Variants in SPSB1 observed in about 807,000 individuals in gnomAD.
SPSB1 encodes the protein splA/ryanodine receptor domain and SOCS box containing 1, also known as SPRY domain-containing SOCS box protein 1.
SPSB1 carries 8 observed loss-of-function variants against 21.2 expected under a neutral mutation model. The ratio of observed to expected loss-of-function variants is 0.38; its 90% CI spans 0.22 to 0.68. SPSB1 has a LOEUF of 0.68. SPSB1 is among the 30% of genes least tolerant of loss of function. SPSB1 has a pLI of 0.53. For synonymous variants in SPSB1, 169 were observed against 161.7 expected, an observed-to-expected ratio of 1.05 and a Z score of -0.34; for missense variants, 242 against 377.8, an observed-to-expected ratio of 0.64 and a Z score of 2.98.
intron 1 of SPSB1, among the ~76,000 whole-genome samples, chr1:9,353,371 C>T (rs1640303230): frequency 6.6e-6 from 1 of 152,164 alleles, no homozygotes; most frequent in African/African-American, 2.4e-5. Flanking sequence ...CACAGGGTGT[C>T]CCTCTGCAGC....
chr1:9,344,024 G>C (rs1450110519), intron 1 of SPSB1, among the ~76,000 whole-genome samples: 1 of 152,158 alleles, frequency 6.6e-6, no homozygotes, highest in Non-Finnish European at 1.5e-5. Flanking sequence ...TCCTGACCTT[G>C]TGATCCGCCC....
chr1:9,338,774 C>T (rs1014928896), intron 1 of SPSB1, among the ~76,000 whole-genome samples: 3 of 152,280 alleles, frequency 2.0e-5, no homozygotes, highest in African/African-American at 7.2e-5. Context: ...ACGTGGGTGG[C>T]GTGGGCCACG....
chr1:9,304,067 G>C (rs1225116742), intron 1 of SPSB1, among the ~76,000 whole-genome samples: 1 of 152,202 alleles, frequency 6.6e-6, no homozygotes, highest in East Asian at 1.9e-4. Context: ...CGTCCAATCA[G>C]CTGGTGGCCT....
At chr1:9,295,217 AGT>A (rs5772365) in intron 1 of SPSB1, among the ~76,000 whole-genome samples, 33,406 of 148,556 alleles carry the variant, frequency 0.22, 4,026 homozygotes, top group South Asian at 0.3. Flanking sequence ...TGAGAGTGTG[AGT>A]GTGTGTGTGT....
chr1:9,297,871 A>G (rs1343258180), intron 1 of SPSB1, among the ~76,000 whole-genome samples: 1 of 152,216 alleles, frequency 6.6e-6, no homozygotes, highest in Non-Finnish European at 1.5e-5. Flanking sequence ...GGGAAGGTTC[A>G]GAAGACAGAT....
intron 1 of SPSB1, among the ~76,000 whole-genome samples, chr1:9,353,641 T>C (rs1390229023): frequency 6.6e-6 from 1 of 152,152 alleles, no homozygotes; most frequent in East Asian, 1.9e-4. Flanking sequence ...TGTCTATGGC[T>C]GGGCGCAGTG....
chr1:9,362,045 GGT>G (rs1640489680), intron 2 of SPSB1, among the ~76,000 whole-genome samples: 1 of 152,232 alleles, frequency 6.6e-6, no homozygotes, highest in African/African-American at 2.4e-5. Flanking sequence ...CGTGGTTGAA[GGT>G]TCAGGGAAGG....
intron 1 of SPSB1, among the ~76,000 whole-genome samples, chr1:9,323,187 G>A (rs1483015873): frequency 6.6e-6 from 1 of 152,210 alleles, no homozygotes; most frequent in Non-Finnish European, 1.5e-5. Context: ...CCTCTGTCCC[G>A]GCACTCAGCC....
intron 2 of SPSB1, among the ~76,000 whole-genome samples, chr1:9,364,962 C>T (rs1640543804): frequency 6.6e-6 from 1 of 152,168 alleles, no homozygotes; most frequent in Admixed American, 6.5e-5. Context: ...AGTGATTCTC[C>T]TGCCTTAGCC....
At chr1:9,304,157 G>A (rs982590289) in intron 1 of SPSB1, among the ~76,000 whole-genome samples, 2 of 152,172 alleles carry the variant, frequency 1.3e-5, no homozygotes, top group Non-Finnish European at 2.9e-5. Flanking sequence ...TCCTGCACTC[G>A]GATGTCACAA....
At chr1:9,303,822 A>G (rs920183961) in intron 1 of SPSB1, among the ~76,000 whole-genome samples, 9 of 152,220 alleles carry the variant, frequency 5.9e-5, no homozygotes, top group Non-Finnish European at 1.5e-5. Context: ...GTGATGATTG[A>G]TTTCAGATGT....
chr1:9,323,325 C>T (rs1015392191), intron 1 of SPSB1, among the ~76,000 whole-genome samples: 8 of 150,044 alleles, frequency 5.3e-5, no homozygotes, highest in East Asian at 1.9e-4. Flanking sequence ...AGCCCCTTGG[C>T]GGGGCGCTCA....
chr1:9,334,217 C>A (rs1404662995), intron 1 of SPSB1, among the ~76,000 whole-genome samples: 1 of 151,814 alleles, frequency 6.6e-6, no homozygotes. Context: ...TCCTGAGTAG[C>A]TGGGATTACA....
At chr1:9,323,606 A>T (rs1036793032) in intron 1 of SPSB1, among the ~76,000 whole-genome samples, 4 of 152,148 alleles carry the variant, frequency 2.6e-5, no homozygotes, top group Non-Finnish European at 5.9e-5. Flanking sequence ...AACAAAGCGG[A>T]GAAGGGAGAA....
intron 1 of SPSB1, among the ~76,000 whole-genome samples, chr1:9,336,655 A>ATG (rs1640007941): frequency 6.6e-6 from 1 of 152,096 alleles, no homozygotes; most frequent in African/African-American, 2.4e-5. Flanking sequence ...GCCTGAGTTC[A>ATG]CCCGTGGCGC....
chr1:9,343,366 T>TGA (rs372454440), intron 1 of SPSB1, among the ~76,000 whole-genome samples: 3 of 87,852 alleles, frequency 3.4e-5, no homozygotes, highest in Non-Finnish European at 8.0e-5. Context: ...ATGTGTGACC[T>TGA]TTTATATCTG....
intron 2 of SPSB1, among the ~76,000 whole-genome samples, chr1:9,362,268 A>G (rs1169785165): frequency 2.7e-5 from 4 of 150,698 alleles, no homozygotes; most frequent in Admixed American, 1.3e-4. Flanking sequence ...AGTTCTGGTC[A>G]TATGAGGACC....
At chr1:9,313,314 C>T (rs559284646) in intron 1 of SPSB1, among the ~76,000 whole-genome samples, 7 of 152,238 alleles carry the variant, frequency 4.6e-5, no homozygotes, top group Admixed American at 3.3e-4. Context: ...GCAGGAAAAT[C>T]GCTTGGACCC....
rs985775190 is a variant in SPSB1 at position 9,324,876 on chromosome 1, C to A, written c.-149-30867C>A. ...GGCCGTGGAGCCAGCACGGTCTTGT[C>A]GGATCCAGACCAGACAAATGCTTTC... On this transcript the variant is annotated intron_variant, in intron 1 of 2. Coordinates refer to ENST00000328089, the MANE Select transcript of SPSB1 (RefSeq NM_025106.4). This position sits in a 1 kb window ranked among gnomAD's most constrained non-coding sequence, Gnocchi z 4.3. Among the ~76,000 whole-genome samples the A allele has an allele frequency of 6.6e-6, 1 of 152,234 alleles. No individual in the cohort carries two copies. Among genetic ancestry groups the A allele is most frequent in the East Asian group, 1.9e-4 (1 of 5,204 alleles).
Sources: gnomAD v4.1 joint callset for allele counts (sites outside exome capture counted in the v4.1 genomes callset) on GRCh38, gnomAD v4.1.1 for gene constraint, Gnocchi (gnomAD v3.1) non-coding constraint, MANE v1.5 for transcripts, NCBI Gene and HGNC (gene_info 2026-07-23, HGNC 2026-07-21) for gene names.